The following PARP8 variants were observed in gnomAD, a reference collection of about 807,000 sequenced individuals.
The protein encoded by PARP8 is protein mono-ADP-ribosyltransferase PARP8.
PARP8 carries 51 observed loss-of-function variants against 124.1 expected under a neutral mutation model. The observed-to-expected ratio is 0.41, with a 90% CI of 0.33 to 0.52. The LOEUF is 0.52. PARP8 is among the 20% of genes least tolerant of loss of function. The probability of loss-of-function intolerance (pLI) is 0.21; values close to 1 mark genes in which losing one functional copy is unlikely to be tolerated. For synonymous variants in PARP8, 391 were observed against 361.5 expected (o/e 1.08, Z -0.93); for missense variants, 860 against 1,018.9 (o/e 0.84, Z 2.12).
At chr5:50,780,351 G>T (rs532867719) in intron 9 of PARP8, among the ~76,000 whole-genome samples, 98 of 152,224 alleles carry the variant, frequency 6.4e-4, no homozygotes, top group African/African-American at 2.3e-3. Context: ...TAAAAGAAAA[G>T]GAAGTCCTTA....
chr5:50,791,039 A>G (rs1174037605), intron 10 of PARP8, among the ~76,000 whole-genome samples: 1 of 152,188 alleles, frequency 6.6e-6, no homozygotes, highest in African/African-American at 2.4e-5. Flanking sequence ...AAATATAAAG[A>G]GGTTATTTTC....
intron 14 of PARP8, among the ~76,000 whole-genome samples, chr5:50,812,212 G>C (rs1177730261): frequency 6.6e-6 from 1 of 152,168 alleles, no homozygotes; most frequent in African/African-American, 2.4e-5. Context: ...CCCACCAACA[G>C]AGTAAAAACA....
At chr5:50,804,657 G>A (rs1743619954) in intron 14 of PARP8, among the ~76,000 whole-genome samples, 1 of 152,014 alleles carries the variant, frequency 6.6e-6, no homozygotes, top group East Asian at 1.9e-4. Context: ...CACTGAACTT[G>A]TCAAATCCTA....
rs536028366 is a variant in PARP8, at chr5:50,816,678, A to G, written c.1668+1154A>G. Among the ~76,000 whole-genome samples the G allele has an allele frequency of 1.1e-3, 172 of 152,338 alleles. 1 individual carries two copies. Among genetic ancestry groups the G allele is most frequent in the African/African-American group, 4.0e-3 (167 of 41,584 alleles). On this transcript the variant is annotated intron_variant, in intron 15 of 25. Transcript: ENST00000281631. ...TGAAAAAAATGATTCCATGATTAAA[A>G]TAAATTTCCAAACTATAGCTTCGTA... is the stretch of plus-strand genomic sequence containing the variant.
chr5:50,840,741 TAA>T (rs1449776535), intron 25 of PARP8, among the ~76,000 whole-genome samples: 2 of 151,806 alleles, frequency 1.3e-5, no homozygotes, highest in African/African-American at 4.8e-5. Context: ...GAGGATGCAA[TAA>T]AAGTCATGGA....
intron 7 of PARP8, among the ~76,000 whole-genome samples, chr5:50,770,636 GGAGT>G (rs1761520623): frequency 6.7e-6 from 1 of 150,026 alleles, no homozygotes; most frequent in Non-Finnish European, 1.5e-5. Flanking sequence ...AGGGAGGGAG[GGAGT>G]AAGGAAGGGA....
At chr5:50,682,612 T>A (rs1751420430) in intron 2 of PARP8, among the ~76,000 whole-genome samples, 1 of 152,146 alleles carries the variant, frequency 6.6e-6, no homozygotes, top group African/African-American at 2.4e-5. Context: ...AATATATGCT[T>A]GCTTGTGTCC....
At chr5:50,681,215 CTT>C (rs914028281) in intron 2 of PARP8, among the ~76,000 whole-genome samples, 1 of 151,942 alleles carries the variant, frequency 6.6e-6, no homozygotes, top group Non-Finnish European at 1.5e-5. Flanking sequence ...TTAAATATCT[CTT>C]GTTTTATGTT....
intron 2 of PARP8, among the ~76,000 whole-genome samples, chr5:50,702,399 C>T (rs1164039273): frequency 6.6e-6 from 1 of 152,144 alleles, no homozygotes; most frequent in African/African-American, 2.4e-5. Context: ...CCTCTAGAAA[C>T]TATCACCTTT....
chr5:50,786,481 C>T (rs1741257436), intron 9 of PARP8, among the ~76,000 whole-genome samples: 1 of 151,840 alleles, frequency 6.6e-6, no homozygotes, highest in African/African-American at 2.4e-5. Flanking sequence ...CCTCCCACCT[C>T]AGCCTCCTAA....
At chr5:50,720,179 G>A (rs1416860811) in intron 2 of PARP8, among the ~76,000 whole-genome samples, 1 of 152,004 alleles carries the variant, frequency 6.6e-6, no homozygotes, top group Non-Finnish European at 1.5e-5. Context: ...TACATGAAAA[G>A]AGACATTTGA....
intron 22 of PARP8, 91 bp from the exon 23 acceptor site, chr5:50,832,690 C>G: frequency 7.8e-7 from 1 of 1,287,414 alleles, no homozygotes; most frequent in Non-Finnish European, 1.1e-6. Flanking sequence ...AAACCTTTAC[C>G]TAGAATGGAA....
intron 2 of PARP8, among the ~76,000 whole-genome samples, chr5:50,720,818 C>T (rs1755800435): frequency 6.6e-6 from 1 of 151,996 alleles, no homozygotes; most frequent in Non-Finnish European, 1.5e-5. Flanking sequence ...CTCCTCTTCC[C>T]CTTACCATAA....
At chr5:50,671,286 G>A (rs1749976105) in intron 2 of PARP8, among the ~76,000 whole-genome samples, 1 of 152,150 alleles carries the variant, frequency 6.6e-6, no homozygotes, top group South Asian at 2.1e-4. Flanking sequence ...GGAACAGAAG[G>A]GGTAACCTGC....
intron 2 of PARP8, among the ~76,000 whole-genome samples, chr5:50,733,147 C>T (rs1757143540): frequency 6.6e-6 from 1 of 151,368 alleles, no homozygotes; most frequent in African/African-American, 2.4e-5. Context: ...ACTAAAAATA[C>T]AAAAAAATTA....
At chr5:50,702,714 A>G (rs960762707) in intron 2 of PARP8, among the ~76,000 whole-genome samples, 7 of 152,168 alleles carry the variant, frequency 4.6e-5, no homozygotes, top group Non-Finnish European at 1.0e-4. Context: ...TGTGTTTTTA[A>G]TTAGTGTAGT....
chr5:50,699,100 T>C (rs1477543382), intron 2 of PARP8, among the ~76,000 whole-genome samples: 1 of 152,222 alleles, frequency 6.6e-6, no homozygotes, highest in Non-Finnish European at 1.5e-5. Flanking sequence ...TTAAAACCTG[T>C]CCTACAGTCA....
At chr5:50,724,073 C>T (rs567673372) in intron 2 of PARP8, among the ~76,000 whole-genome samples, 5 of 152,208 alleles carry the variant, frequency 3.3e-5, no homozygotes, top group Admixed American at 2.0e-4. Flanking sequence ...CCACCCTACT[C>T]GGCCTCCTGA....
At chr5:50,679,973 C>A (rs1751091746) in intron 2 of PARP8, among the ~76,000 whole-genome samples, 1 of 152,112 alleles carries the variant, frequency 6.6e-6, no homozygotes, top group South Asian at 2.1e-4. Flanking sequence ...TCTTTGTCTC[C>A]ATGTAAAACA....
Sources: allele counts gnomAD v4.1 joint callset (sites outside exome capture counted in the v4.1 genomes callset), GRCh38; gene constraint gnomAD v4.1.1; transcripts MANE v1.5; gene names NCBI Gene and HGNC (gene_info 2026-07-23, HGNC 2026-07-21).